KCNJ6: variants seen among roughly 807,000 people sequenced by gnomAD.
KCNJ6 encodes the protein G protein-activated inward rectifier potassium channel 2.
A neutral mutation model predicts 34.2 loss-of-function variants in KCNJ6; 9 were observed. The observed-to-expected ratio is 0.26, with a 90% CI of 0.16 to 0.46. KCNJ6 has a LOEUF of 0.46. Among genes scored for constraint, KCNJ6 ranks in the 20% least tolerant of loss-of-function variants. The pLI, the probability that KCNJ6 is intolerant of heterozygous loss-of-function variation, is 1.00. For missense variants in KCNJ6, 236 were observed against 531.3 expected, an observed-to-expected ratio of 0.44 and a Z score of 5.46; for synonymous variants, 196 against 207.1, an observed-to-expected ratio of 0.95 and a Z score of 0.46.
intron 1 of KCNJ6, among the ~76,000 whole-genome samples, chr21:37,858,448 T>C (rs1171356675): frequency 6.8e-6 from 1 of 146,998 alleles, no homozygotes; most frequent in Non-Finnish European, 1.5e-5. Context: ...ATTCTTAATA[T>C]TGATAGAGCA....
chr21:37,656,444 G>A (rs560246526), intron 3 of KCNJ6, among the ~76,000 whole-genome samples: 33 of 152,296 alleles, frequency 2.2e-4, no homozygotes, highest in African/African-American at 7.7e-4. Context: ...AGTCAAAGTG[G>A]TTGGTTTGTG....
intron 3 of KCNJ6, among the ~76,000 whole-genome samples, chr21:37,694,978 C>G (rs1397157658): frequency 6.6e-6 from 1 of 152,230 alleles, no homozygotes; most frequent in Non-Finnish European, 1.5e-5. Flanking sequence ...CTTCCAGCCT[C>G]CAGACTGTTA....
chr21:37,728,407 T>C (rs2054866412), intron 2 of KCNJ6, among the ~76,000 whole-genome samples: 1 of 152,236 alleles, frequency 6.6e-6, no homozygotes, highest in Non-Finnish European at 1.5e-5. Context: ...ATCATTGAAG[T>C]GTGCGCTTTA....
intron 3 of KCNJ6, among the ~76,000 whole-genome samples, chr21:37,673,933 G>GT (rs2054553013): frequency 6.6e-6 from 1 of 152,174 alleles, no homozygotes; most frequent in Admixed American, 6.5e-5. Flanking sequence ...AGCTGATGCT[G>GT]TTCCCTCAGG....
At chr21:37,659,912 C>A (rs2054480465) in intron 3 of KCNJ6, among the ~76,000 whole-genome samples, 1 of 152,216 alleles carries the variant, frequency 6.6e-6, no homozygotes, top group East Asian at 1.9e-4. Context: ...AACTGTCTCC[C>A]TCTGTAATGT....
rs533633618 is a variant in KCNJ6, at chr21:37,723,082, A to G, written c.26-7951T>C. Among the ~76,000 whole-genome samples, 6 of 152,334 alleles carry G rather than the reference A, an allele frequency of 3.9e-5. No homozygotes were observed. The East Asian group carries it at 1.2e-3, about 29-fold the overall frequency. On this transcript the variant is annotated intron_variant, in intron 2 of 3. Coordinates refer to ENST00000609713, the MANE Select transcript of KCNJ6 (RefSeq NM_002240.5). ...AAATCTAAAAGGAATTTAATTTAAC[A>G]AGGAAAAAACAACCCCATTAACAAG...
At chr21:37,725,255 T>C (rs1912213400) in intron 2 of KCNJ6, among the ~76,000 whole-genome samples, 2 of 152,212 alleles carry the variant, frequency 1.3e-5, no homozygotes, top group African/African-American at 2.4e-5. Context: ...TAGCTGGGCA[T>C]GGTGGTGCGT....
At chr21:37,721,887 G>A (rs1314371619) in intron 2 of KCNJ6, among the ~76,000 whole-genome samples, 1 of 152,196 alleles carries the variant, frequency 6.6e-6, no homozygotes, top group Non-Finnish European at 1.5e-5. Flanking sequence ...CTTGCTTCCT[G>A]ATGGACAAAG....
intron 1 of KCNJ6, among the ~76,000 whole-genome samples, chr21:37,908,095 TG>T (rs1315435875): frequency 2.0e-5 from 3 of 152,244 alleles, no homozygotes; most frequent in Non-Finnish European, 4.4e-5. Context: ...ATTTTGATAA[TG>T]TTTTCCCCTG....
intron 2 of KCNJ6, among the ~76,000 whole-genome samples, chr21:37,800,674 G>C (rs1478401133): frequency 1.3e-5 from 2 of 152,146 alleles, no homozygotes; most frequent in Non-Finnish European, 2.9e-5. Context: ...GATAACCCTT[G>C]ATAAGCATAT....
chr21:37,716,872 A>G (rs2054794262), intron 2 of KCNJ6, among the ~76,000 whole-genome samples: 1 of 152,226 alleles, frequency 6.6e-6, no homozygotes, highest in South Asian at 2.1e-4. Flanking sequence ...CAAGTTTGGT[A>G]AGAAATTTCT....
At chr21:37,724,395 A>G (rs1324176560) in intron 2 of KCNJ6, among the ~76,000 whole-genome samples, 1 of 152,212 alleles carries the variant, frequency 6.6e-6, no homozygotes, top group Non-Finnish European at 1.5e-5. Flanking sequence ...TAACACAGGA[A>G]GCGTCTGCAG....
At chr21:37,625,522 T>C in intron 3 of KCNJ6, 38 bp from the exon 4 acceptor site, 1 of 1,520,252 alleles carries the variant, frequency 6.6e-7, no homozygotes. Context: ...CATATGTAAG[T>C]GTGGGCTTTC....
At chr21:37,666,785 A>T (rs918154376) in intron 3 of KCNJ6, among the ~76,000 whole-genome samples, 1 of 151,320 alleles carries the variant, frequency 6.6e-6, no homozygotes. Flanking sequence ...GACATAGGAG[A>T]CTCCATTTTG....
chr21:37,759,493 C>T (rs528573742), intron 2 of KCNJ6, among the ~76,000 whole-genome samples: 2 of 152,312 alleles, frequency 1.3e-5, no homozygotes, highest in African/African-American at 4.8e-5. Flanking sequence ...CACAACCCCG[C>T]AGGGTCTTGC....
At chr21:37,914,944 G>C (rs1032852110) in intron 1 of KCNJ6, among the ~76,000 whole-genome samples, 8 of 147,822 alleles carry the variant, frequency 5.4e-5, no homozygotes, top group African/African-American at 2.0e-4. Context: ...TCCTTTTTTT[G>C]GGGGTTGGAG....
intron 2 of KCNJ6, among the ~76,000 whole-genome samples, chr21:37,809,507 C>T (rs897353830): frequency 6.6e-6 from 1 of 151,552 alleles, no homozygotes; most frequent in African/African-American, 2.4e-5. Context: ...CACATGTACC[C>T]TAAAACTTAA....
intron 1 of KCNJ6, among the ~76,000 whole-genome samples, chr21:37,874,653 C>T (rs967267124): frequency 3.3e-5 from 5 of 152,182 alleles, no homozygotes; most frequent in African/African-American, 9.7e-5. Flanking sequence ...GCCACACCCA[C>T]GCCTACACTC....
chr21:37,656,431 C>T (rs976503528), intron 3 of KCNJ6, among the ~76,000 whole-genome samples: 3 of 152,212 alleles, frequency 2.0e-5, no homozygotes, highest in African/African-American at 7.2e-5. Context: ...CAGACCCAGG[C>T]TGAGTCAAAG....
Sources: gnomAD v4.1 joint callset for allele counts (sites outside exome capture counted in the v4.1 genomes callset) on GRCh38, gnomAD v4.1.1 for gene constraint, MANE v1.5 for transcripts, NCBI Gene and HGNC (gene_info 2026-07-23, HGNC 2026-07-21) for gene names.